Variants in SNX29 observed in about 807,000 individuals in gnomAD.
The protein encoded by SNX29 is sorting nexin-29.
SNX29 carries 78 observed loss-of-function variants against 102.1 expected under a neutral mutation model. The ratio of observed to expected loss-of-function variants is 0.76; its 90% CI spans 0.64 to 0.92. The LOEUF (loss-of-function observed/expected upper bound fraction) is 0.92, where lower values mean the gene tolerates loss of function less well. Among genes scored for constraint, SNX29 ranks in the 40% least tolerant of loss-of-function variants. The probability of loss-of-function intolerance (pLI) is 0.00; values close to 1 mark genes in which losing one functional copy is unlikely to be tolerated. For missense variants in SNX29, 1,280 were observed against 1,061.7 expected, an observed-to-expected ratio of 1.21 and a Z score of -2.86; for synonymous variants, 580 against 414.5, an observed-to-expected ratio of 1.40 and a Z score of -4.85.
At position 12,390,149 on chromosome 16, in the gene SNX29, G is replaced by GGTGTGTGTGTGT. The variant is rs34547147; in HGVS notation, c.1900-8276_1900-8265dup. Among the ~76,000 whole-genome samples, 237 of 145,668 alleles carry GGTGTGTGTGTGT rather than the reference G, an allele frequency of 1.6e-3. 1 individual carries two copies. The highest frequency in any genetic ancestry group is 5.0e-3 in the African/African-American group (198 of 39,360). On this transcript the variant is annotated intron_variant, in intron 16 of 20. Transcript: ENST00000566228. ...TGTTACCCCGTGCGTGCAATTGAGG[G>GGTGTGTGTGTGT]GTGTGTGTGTGTGTGTGTGTGTGTG...
rs779449197 is a variant in SNX29 at position 12,570,540 on chromosome 16, T to G, written c.*1911T>G. 2.2e-5 allele frequency: 5 copies of G among 232,306 alleles called. No individual in the cohort carries two copies. The highest frequency in any genetic ancestry group is 3.4e-5 in the Non-Finnish European group (4 of 117,550). The allele number at this position is 232,306 out of a possible 1,614,324, so 14.4% of individuals were successfully genotyped here. On this transcript the variant is annotated 3_prime_UTR_variant, in exon 21 of 21. Coordinates refer to ENST00000566228, the MANE Select transcript of SNX29 (RefSeq NM_032167.5). ...ACATCGGTCATTTTGAAGTAGGTGT[T>G]TGATGCCAGCTCAGAGACTGTCTCA...
intron 11 of SNX29, among the ~76,000 whole-genome samples, chr16:12,109,127 CAAAAAAAAAAAAAAAAAAA>C (rs71139575): frequency 3.0e-5 from 1 of 33,314 alleles, no homozygotes; most frequent in South Asian, 1.3e-3. Flanking sequence ...GGCGCTGTCT[CAAAAAAAAAAAAAAAAAAA>C]AAAAAAAAAG....
At chr16:12,043,108 A>T in intron 5 of SNX29, 31 bp downstream of exon 5, 2 of 1,609,660 alleles carry the variant, frequency 1.2e-6, no homozygotes, top group Non-Finnish European at 1.7e-6. Flanking sequence ...CTGGGATGGG[A>T]TGGAGCAAGA....
At chr16:12,032,200 CTTCTTTTTT>C (rs1400878538) in intron 4 of SNX29, among the ~76,000 whole-genome samples, 1 of 141,340 alleles carries the variant, frequency 7.1e-6, no homozygotes, top group Non-Finnish European at 1.5e-5. Context: ...TCTTCTTCTT[CTTCTTTTTT>C]TTTTTTTTTT....
intron 19 of SNX29, among the ~76,000 whole-genome samples, chr16:12,488,442 C>G (rs112186001): frequency 2.5e-5 from 3 of 119,456 alleles, no homozygotes; most frequent in South Asian, 2.5e-4. Context: ...TTCCCGCAGT[C>G]CCCCCCGTCC....
At chr16:12,282,744 C>G (rs2079475062) in intron 15 of SNX29, among the ~76,000 whole-genome samples, 2 of 152,222 alleles carry the variant, frequency 1.3e-5, no homozygotes, top group African/African-American at 2.4e-5. Flanking sequence ...CAACCTCCCC[C>G]TCCCAGGTTC....
intron 14 of SNX29, among the ~76,000 whole-genome samples, chr16:12,214,204 A>G (rs577782292): frequency 2.3e-3 from 353 of 152,294 alleles, no homozygotes; most frequent in Middle Eastern, 0.01. Flanking sequence ...TCGATTCACG[A>G]TTGTTGTTCA....
intron 19 of SNX29, among the ~76,000 whole-genome samples, chr16:12,518,038 C>T (rs1320491504): frequency 1.3e-5 from 2 of 152,158 alleles, no homozygotes; most frequent in Non-Finnish European, 2.9e-5. Context: ...GAGAGGTTAG[C>T]AAGGCGTGCT....
chr16:12,002,029 T>TTA (rs2056307498), intron 2 of SNX29, among the ~76,000 whole-genome samples: 1 of 151,118 alleles, frequency 6.6e-6, no homozygotes, highest in Admixed American at 6.6e-5. Flanking sequence ...TTTTTTTTTT[T>TTA]AAAGAAAATT....
At chr16:12,118,137 C>G (rs868435146) in intron 11 of SNX29, among the ~76,000 whole-genome samples, 3 of 151,884 alleles carry the variant, frequency 2.0e-5, no homozygotes, top group Non-Finnish European at 4.4e-5. Flanking sequence ...GCTGTGCCAC[C>G]GCTCCCCACC....
At chr16:12,567,841 C>G (rs1304069471) in intron 20 of SNX29, among the ~76,000 whole-genome samples, 1 of 152,164 alleles carries the variant, frequency 6.6e-6, no homozygotes, top group African/African-American at 2.4e-5. Context: ...GTGAAGCCTC[C>G]CAGCCTCTAC....
At chr16:12,074,261 G>T (rs1346001887) in intron 10 of SNX29, among the ~76,000 whole-genome samples, 1 of 152,056 alleles carries the variant, frequency 6.6e-6, no homozygotes, top group Non-Finnish European at 1.5e-5. Flanking sequence ...TTTCTTTCTA[G>T]TCTCGATGGT....
intron 16 of SNX29, among the ~76,000 whole-genome samples, chr16:12,357,530 A>T (rs1349890898): frequency 6.6e-6 from 1 of 152,224 alleles, no homozygotes; most frequent in African/African-American, 2.4e-5. Context: ...TTTAAAAATT[A>T]GGGTAAAATA....
chr16:12,229,009 G>T (rs763720246), intron 14 of SNX29, among the ~76,000 whole-genome samples: 1 of 152,194 alleles, frequency 6.6e-6, no homozygotes, highest in South Asian at 2.1e-4. Context: ...CAAATGCCTT[G>T]CAGGGCTTGC....
At chr16:12,530,117 A>G (rs2076892344) in intron 20 of SNX29, among the ~76,000 whole-genome samples, 1 of 152,182 alleles carries the variant, frequency 6.6e-6, no homozygotes, top group Admixed American at 6.5e-5. Context: ...GCTGACTTAC[A>G]TCAACCACTT....
intron 14 of SNX29, among the ~76,000 whole-genome samples, chr16:12,253,710 G>A (rs35883649): frequency 0.033 from 5,049 of 152,260 alleles, 110 homozygotes; most frequent in Non-Finnish European, 0.051. Flanking sequence ...GCCTGGTGAG[G>A]TTGGTAGGCA....
At chr16:12,228,404 G>A (rs74961549) in intron 14 of SNX29, among the ~76,000 whole-genome samples, 1 of 152,218 alleles carries the variant, frequency 6.6e-6, no homozygotes, top group Non-Finnish European at 1.5e-5. Context: ...CTCGAGGTCA[G>A]GTTCAGCTGC....
intron 15 of SNX29, among the ~76,000 whole-genome samples, chr16:12,292,738 T>A (rs1264782801): frequency 6.6e-6 from 1 of 152,220 alleles, no homozygotes; most frequent in Non-Finnish European, 1.5e-5. Context: ...ACTTAGGACT[T>A]TGCTTCTAAT....
chr16:12,554,726 T>G (rs1266115666), intron 20 of SNX29, among the ~76,000 whole-genome samples: 1 of 152,298 alleles, frequency 6.6e-6, no homozygotes, highest in East Asian at 1.9e-4. Context: ...TCTTTCAGTC[T>G]TTCAGTTTGC....
Sources: allele counts gnomAD v4.1 joint callset (sites outside exome capture counted in the v4.1 genomes callset), GRCh38; gene constraint gnomAD v4.1.1; transcripts MANE v1.5; gene names NCBI Gene and HGNC (gene_info 2026-07-23, HGNC 2026-07-21).